VWC2L: variants seen among roughly 807,000 people sequenced by gnomAD.
The protein encoded by VWC2L is von Willebrand factor C domain-containing protein 2-like.
Under a neutral mutation model 21.6 loss-of-function variants are expected in VWC2L, and 10 were observed. The ratio of observed to expected loss-of-function variants is 0.46; its 90% confidence interval spans 0.29 to 0.78. The LOEUF is 0.78. Ranked by LOEUF, VWC2L falls within the 30% of genes least tolerant of loss-of-function variation. VWC2L has a pLI of 0.10. For synonymous variants in VWC2L, 96 were observed against 94.3 expected (o/e 1.02, Z -0.10); for missense variants, 209 against 277.1 (o/e 0.75, Z 1.74).
chr2:214,476,208 C>T (rs1157863922), intron 3 of VWC2L, among the ~76,000 whole-genome samples: 1 of 151,974 alleles, frequency 6.6e-6, no homozygotes, highest in Non-Finnish European at 1.5e-5. Context: ...GGAAATATAC[C>T]ACAGCCAATA....
intron 2 of VWC2L, among the ~76,000 whole-genome samples, chr2:214,434,336 G>A (rs1227385054): frequency 1.3e-5 from 2 of 152,154 alleles, no homozygotes; most frequent in Non-Finnish European, 2.9e-5. Context: ...AGGTCTCCAA[G>A]AATGTAACAC....
intron 3 of VWC2L, among the ~76,000 whole-genome samples, chr2:214,532,577 A>C (rs1379429880): frequency 6.6e-6 from 1 of 152,152 alleles, no homozygotes; most frequent in Non-Finnish European, 1.5e-5. Context: ...AGGAGACAAG[A>C]AGAAGGGCTA....
At chr2:214,551,931 G>A (rs1405522951) in intron 3 of VWC2L, among the ~76,000 whole-genome samples, 1 of 152,192 alleles carries the variant, frequency 6.6e-6, no homozygotes, top group African/African-American at 2.4e-5. Context: ...AAATGAAATA[G>A]CATCATTTTA....
At chr2:214,497,443 A>G (rs1688828158) in intron 3 of VWC2L, among the ~76,000 whole-genome samples, 1 of 152,052 alleles carries the variant, frequency 6.6e-6, no homozygotes, top group Admixed American at 6.6e-5. Context: ...AATTTTCGCA[A>G]CCTCATCTTT....
chr2:214,435,215 T>C (rs183388005), intron 2 of VWC2L, among the ~76,000 whole-genome samples: 9 of 152,296 alleles, frequency 5.9e-5, no homozygotes, highest in Admixed American at 2.0e-4. Context: ...TTGCTGAGAT[T>C]ATTTAGCAGA....
At chr2:214,553,347 G>A (rs1279783726) in intron 3 of VWC2L, among the ~76,000 whole-genome samples, 2 of 152,198 alleles carry the variant, frequency 1.3e-5, no homozygotes, top group African/African-American at 2.4e-5. Context: ...GCTACAGCTC[G>A]ATTTTATATA....
intron 3 of VWC2L, among the ~76,000 whole-genome samples, chr2:214,464,132 C>T (rs1465844291): frequency 6.6e-6 from 1 of 152,090 alleles, no homozygotes; most frequent in African/African-American, 2.4e-5. Context: ...ATATCTTTAT[C>T]ACTCTGAGAT....
At chr2:214,558,672 C>T (rs1689913674) in intron 3 of VWC2L, among the ~76,000 whole-genome samples, 1 of 152,116 alleles carries the variant, frequency 6.6e-6, no homozygotes. Flanking sequence ...TTCAATTATT[C>T]TACTTCTAGC....
chr2:214,569,718 C>T (rs546376945), intron 3 of VWC2L, among the ~76,000 whole-genome samples: 5 of 152,302 alleles, frequency 3.3e-5, no homozygotes, highest in African/African-American at 1.2e-4. Context: ...AATGGCTCCT[C>T]ATCTGCACCC....
intron 3 of VWC2L, among the ~76,000 whole-genome samples, chr2:214,504,212 C>G (rs1688936166): frequency 1.3e-5 from 2 of 152,288 alleles, no homozygotes; most frequent in South Asian, 4.1e-4. Flanking sequence ...TGCTTCGTTT[C>G]CCTAAGAGAA....
intron 3 of VWC2L, among the ~76,000 whole-genome samples, chr2:214,509,917 A>C (rs1034003739): frequency 2.0e-5 from 3 of 152,250 alleles, no homozygotes; most frequent in African/African-American, 7.2e-5. Context: ...AAGTTTGATC[A>C]GAATGCCATA....
chr2:214,538,219 T>A (rs2105919620), intron 3 of VWC2L, among the ~76,000 whole-genome samples: 1 of 152,168 alleles, frequency 6.6e-6, no homozygotes, highest in African/African-American at 2.4e-5. Context: ...TGGCTCTTCA[T>A]GAACTGTTCA....
At chr2:214,465,524 CT>C (rs1187328911) in intron 3 of VWC2L, among the ~76,000 whole-genome samples, 1 of 152,198 alleles carries the variant, frequency 6.6e-6, no homozygotes, top group African/African-American at 2.4e-5. Context: ...ATAAAGTCCT[CT>C]TTACTCTCCC....
At chr2:214,447,715 T>C (rs1314947920) in intron 3 of VWC2L, among the ~76,000 whole-genome samples, 1 of 152,138 alleles carries the variant, frequency 6.6e-6, no homozygotes, top group African/African-American at 2.4e-5. Context: ...TCCCTCTATC[T>C]TCCTCAGAAG....
chr2:214,568,214 T>C (rs1404823976), intron 3 of VWC2L, among the ~76,000 whole-genome samples: 5 of 152,140 alleles, frequency 3.3e-5, no homozygotes, highest in Non-Finnish European at 2.9e-5. Flanking sequence ...AACATTAGTT[T>C]CCCACTCTGG....
intron 2 of VWC2L, among the ~76,000 whole-genome samples, chr2:214,415,678 T>C (rs1702344385): frequency 6.6e-6 from 1 of 152,108 alleles, no homozygotes; most frequent in African/African-American, 2.4e-5. Flanking sequence ...CATAGTTAAT[T>C]GTATTTAGTT....
chr2:214,539,912 G>A (rs764587025), intron 3 of VWC2L, among the ~76,000 whole-genome samples: 30 of 151,928 alleles, frequency 2.0e-4, no homozygotes, highest in Non-Finnish European at 2.9e-4. Flanking sequence ...ATGCTGCATG[G>A]GGCTTGTTTG....
Position 214,575,897 on chromosome 2 carries a change from AAAAC to A in VWC2L, c.*86_*89del, listed in dbSNP as rs559169334. 2.8e-4 allele frequency: 414 copies of A among 1,480,332 alleles called. No homozygotes were observed. In the African/African-American group the frequency reaches 3.1e-3, roughly 11 times the overall value. The allele number at this position is 1,480,332 out of a possible 1,614,324, so 91.7% of individuals were successfully genotyped here. A position where few individuals can be genotyped will look rare whatever the true frequency, so the allele number is the denominator to read the frequency against. On this transcript the variant is annotated 3_prime_UTR_variant, in exon 4 of 4. Transcript: ENST00000312504. ...ACACTGCACATGTTTAACACAAAAC[AAAAC>A]AAACAAACTCCTGCCAGCTACAACA...
chr2:214,572,946 A>G (rs924046213), intron 3 of VWC2L, among the ~76,000 whole-genome samples: 1 of 152,160 alleles, frequency 6.6e-6, no homozygotes, highest in Non-Finnish European at 1.5e-5. Context: ...CATTCTGTCA[A>G]TCAATATACA....
Sources: allele counts gnomAD v4.1 joint callset (sites outside exome capture counted in the v4.1 genomes callset), GRCh38; gene constraint gnomAD v4.1.1; transcripts MANE v1.5; gene names NCBI Gene and HGNC (gene_info 2026-07-23, HGNC 2026-07-21).